Variants in DENND11 observed in about 807,000 individuals in gnomAD.
DENND11 encodes the protein DENN domain containing 11.
Under a neutral mutation model 49.2 loss-of-function variants are expected in DENND11, and 34 were observed. The ratio of observed to expected loss-of-function variants is 0.69; its 90% confidence interval spans 0.53 to 0.92. The LOEUF is 0.92. DENND11 is among the 40% of genes least tolerant of loss of function. The pLI, the probability that DENND11 is intolerant of heterozygous loss-of-function variation, is 0.00. For synonymous variants in DENND11, 238 were observed against 230.3 expected, an observed-to-expected ratio of 1.03 and a Z score of -0.30; for missense variants, 475 against 581.6, an observed-to-expected ratio of 0.82 and a Z score of 1.88.
At chr7:141,676,458 A>G (rs771216841) in intron 3 of DENND11, among the ~76,000 whole-genome samples, 1 of 152,198 alleles carries the variant, frequency 6.6e-6, no homozygotes, top group South Asian at 2.1e-4. Flanking sequence ...TTCTAAAGAA[A>G]AGTTCAGTAC....
chr7:141,673,035 A>T (rs1798006226), intron 4 of DENND11, among the ~76,000 whole-genome samples: 1 of 152,180 alleles, frequency 6.6e-6, no homozygotes, highest in Admixed American at 6.5e-5. Flanking sequence ...ATCCCAGCCA[A>T]ACTAGTTTGC....
Position 141,673,822 on chromosome 7 carries a change from A to G in DENND11, c.681+245T>C, listed in dbSNP as rs147179114. On this transcript the variant is annotated intron_variant, in intron 4 of 8. Coordinates refer to ENST00000536163, the MANE Select transcript of DENND11 (RefSeq NM_001080392.2). ...TCAACAGAATTAAATCTATCTTTTC[A>G]CAACTGGCCTATCACACACGCCTTT... Among the ~76,000 whole-genome samples, 142 of 152,332 alleles carry G rather than the reference A, an allele frequency of 9.3e-4. 1 individual carries two copies. Among genetic ancestry groups the G allele is most frequent in the African/African-American group, 3.3e-3 (139 of 41,580 alleles).
intron 3 of DENND11, among the ~76,000 whole-genome samples, chr7:141,679,707 TAAAAAAAAA>T (rs5888011): frequency 8.6e-6 from 1 of 116,652 alleles, no homozygotes; most frequent in Admixed American, 8.7e-5. Context: ...AGCGAAACTT[TAAAAAAAAA>T]AAAAAAAAGT....
At chr7:141,699,194 T>C (rs1230986045) in intron 1 of DENND11, among the ~76,000 whole-genome samples, 2 of 152,034 alleles carry the variant, frequency 1.3e-5, no homozygotes, top group African/African-American at 2.4e-5. Context: ...TGGGCCAATA[T>C]TAAATAGGAA....
Position 141,702,072 on chromosome 7 carries a change from G to A in DENND11, c.82C>T (p.Gln28Ter). The A allele has an allele frequency of 1.0e-6, 1 of 987,268 alleles. No homozygotes were observed. Among genetic ancestry groups the A allele is most frequent in the Non-Finnish European group, 1.2e-6 (1 of 832,570 alleles). The allele number at this position is 987,268 out of a possible 1,614,324, so 61.2% of individuals were successfully genotyped here. ...AVSLPQAPQP[Q>*]AGGWGRGGGG... is the part of the protein sequence containing the mutation. ...CCGCCCCGGCCCCAGCCTCCCGCCT[G>A]CGGCTGCGGGGCCTGCGGCAGGGAG... Residue 28 changes from glutamine (Q) to a stop codon, truncating the protein, a stop_gained, in exon 1 of 9, where the codon CAG becomes TAG. Transcript: ENST00000536163. LOFTEE classifies it high-confidence loss of function.
rs1201732231 is a variant in DENND11 at position 141,685,565 on chromosome 7, C to T, written c.440G>A (p.Arg147His). Reference sequence around the variant, plus strand: ...GCCCACAGACTTCATCCGCGCGCCACGTTCCAGCTCGCTCTCCACGGGCAT... The same window carrying T: ...GCCCACAGACTTCATCCGCGCGCCATGTTCCAGCTCGCTCTCCACGGGCAT... ...ANMPVESELE[R>H]GARMKSVGIL... The change falls in exon 3 of 9, where the codon CGT (arginine) becomes CAT (histidine). Residue 147 changes from arginine (R) to histidine (H), a missense_variant. By Grantham distance (29) the Arg-to-His change is conservative. Transcript: ENST00000536163. The T allele has an allele frequency of 6.2e-7, 1 of 1,613,846 alleles. No individual in the cohort carries two copies. The highest frequency in any genetic ancestry group is 1.3e-5 in the African/African-American group (1 of 74,906).
intron 4 of DENND11, among the ~76,000 whole-genome samples, chr7:141,671,594 T>C (rs1044444074): frequency 1.3e-5 from 2 of 152,248 alleles, no homozygotes; most frequent in South Asian, 2.1e-4. Context: ...CTAACAGTTA[T>C]GTTAATGAGC....
At chr7:141,693,778 A>C (rs892408146) in intron 1 of DENND11, among the ~76,000 whole-genome samples, 5 of 152,232 alleles carry the variant, frequency 3.3e-5, no homozygotes, top group Admixed American at 6.5e-5. Flanking sequence ...ACTATGTGAC[A>C]TTCTGGGAAA....
At chr7:141,670,487 G>A (rs567801994) in intron 4 of DENND11, among the ~76,000 whole-genome samples, 9 of 152,192 alleles carry the variant, frequency 5.9e-5, no homozygotes, top group Non-Finnish European at 7.3e-5. Flanking sequence ...AACTATGTGC[G>A]TAGCATTTCC....
Position 141,662,811 on chromosome 7 carries a change from A to G in DENND11, c.1213T>C (p.Leu405=), listed in dbSNP as rs1293662335. 9 of 1,588,676 alleles carry G rather than the reference A, an allele frequency of 5.7e-6. No individual in the cohort carries two copies. The African/African-American group carries it at 9.4e-5, about 17-fold the overall frequency. The change falls in exon 9 of 9, where the codon TTG becomes CTG. Residue 405 remains leucine (L), a synonymous_variant. Transcript: ENST00000536163. ...TTGTCTTGACTGGCAGACACCTCCA[A>G]CAAAGTCTGAAATATCCGGTTGTTT... ...EQNNRIFQTL[L]EVSASQDKTL... is the part of the protein sequence containing the mutation.
rs564891276 is a variant in DENND11, at chr7:141,669,254, T to G, written c.682-2829A>C. ...GCTTACTTCTTTAAAGTTTTTTTTTTTTTTTTTTTGAGAGGGAGTCTTGCC... is the reference window on the plus strand; with the variant it reads ...GCTTACTTCTTTAAAGTTTTTTTTTGTTTTTTTTTGAGAGGGAGTCTTGCC... On this transcript the variant is annotated intron_variant, in intron 4 of 8. Coordinates refer to ENST00000536163, the MANE Select transcript of DENND11 (RefSeq NM_001080392.2). Among the ~76,000 whole-genome samples, 15 of 151,742 alleles carry G rather than the reference T, an allele frequency of 9.9e-5. No homozygotes were observed. The South Asian group carries it at 3.1e-3, about 32-fold the overall frequency.
intron 1 of DENND11, among the ~76,000 whole-genome samples, chr7:141,698,001 C>T (rs1382462809): frequency 6.6e-6 from 1 of 152,196 alleles, no homozygotes; most frequent in East Asian, 1.9e-4. Context: ...TACCCCTCCT[C>T]TTGCAAGCTG....
chr7:141,674,797 C>G (rs1357146464), intron 3 of DENND11, among the ~76,000 whole-genome samples: 1 of 152,194 alleles, frequency 6.6e-6, no homozygotes, highest in African/African-American at 2.4e-5. Context: ...AGAATCTCTT[C>G]TCTGCCCGCT....
chr7:141,671,680 G>A (rs950831833), intron 4 of DENND11, among the ~76,000 whole-genome samples: 3 of 152,076 alleles, frequency 2.0e-5, no homozygotes, highest in Admixed American at 6.6e-5. Flanking sequence ...GGAAGAATAC[G>A]AGTACATTTA....
At chr7:141,700,625 A>G (rs1235510358) in intron 1 of DENND11, among the ~76,000 whole-genome samples, 2 of 152,074 alleles carry the variant, frequency 1.3e-5, no homozygotes, top group African/African-American at 4.8e-5. Context: ...CACATGATAG[A>G]TCAGTCAAAA....
chr7:141,671,462 C>T (rs1797979036), intron 4 of DENND11, among the ~76,000 whole-genome samples: 1 of 152,232 alleles, frequency 6.6e-6, no homozygotes, highest in African/African-American at 2.4e-5. Context: ...CAGGCGTGAG[C>T]CACCATGCCT....
At position 141,665,239 on chromosome 7, in the gene DENND11, G is replaced by A. The variant is rs760227575; in HGVS notation, c.900C>T (p.Tyr300=). 3.4e-5 allele frequency: 55 copies of A among 1,613,570 alleles called. No homozygotes were observed. In the East Asian group the frequency reaches 4.0e-4, roughly 12 times the overall value. The change falls in exon 6 of 9, where the codon TAC becomes TAT. Residue 300 remains tyrosine (Y), a synonymous_variant. Coordinates refer to ENST00000536163, the MANE Select transcript of DENND11 (RefSeq NM_001080392.2). ...GTIPESKPFF[Y]VNVADIESLE... ...GGCTCTCGATGTCAGCCACGTTCAC[G>A]TAGAAGAAAGGTTTGGACTCAGGAA...
rs1292867441 is a variant in DENND11, at chr7:141,656,773, AAT to A, written c.*5881_*5882del. ...TTAATTGTAAAAATCATTTTCTGTAAATATAGTTATATCAACCTCTCTGCACA... is the reference window on the plus strand; with the variant it reads ...TTAATTGTAAAAATCATTTTCTGTAAATAGTTATATCAACCTCTCTGCACA... On this transcript the variant is annotated 3_prime_UTR_variant, in exon 9 of 9. Coordinates refer to ENST00000536163, the MANE Select transcript of DENND11 (RefSeq NM_001080392.2). The A allele has an allele frequency of 2.0e-5, 3 of 152,656 alleles. No individual in the cohort carries two copies. Among genetic ancestry groups the A allele is most frequent in the African/African-American group, 7.2e-5 (3 of 41,442 alleles). 9.5% of individuals were successfully genotyped at this position (152,656 alleles called of 1,614,324 possible). A position where few individuals can be genotyped will look rare whatever the true frequency, so the allele number is the denominator to read the frequency against.
chr7:141,677,107 C>T (rs1798069575), intron 3 of DENND11, among the ~76,000 whole-genome samples: 1 of 152,140 alleles, frequency 6.6e-6, no homozygotes, highest in Non-Finnish European at 1.5e-5. Context: ...GACAATTACA[C>T]TTCATCACTC....
Sources: gnomAD v4.1 joint callset for allele counts (sites outside exome capture counted in the v4.1 genomes callset) on GRCh38, gnomAD v4.1.1 for gene constraint, MANE v1.5 for transcripts, NCBI Gene and HGNC (gene_info 2026-07-23, HGNC 2026-07-21) for gene names.